The following MPDZ variants were observed in gnomAD, a reference collection of about 807,000 sequenced individuals.
MPDZ encodes multiple PDZ domain protein.
In MPDZ, 234 loss-of-function variants were observed where a neutral mutation model predicts 239.1. That is an observed-to-expected ratio of 0.98 (90% CI 0.88 to 1.09). The LOEUF is 1.09. Ranked by LOEUF, MPDZ falls within the 50% of genes least tolerant of loss-of-function variation. The probability of loss-of-function intolerance (pLI) is 0.00; values close to 1 mark genes in which losing one functional copy is unlikely to be tolerated. For missense variants in MPDZ, 3,175 were observed against 2,510.0 expected, an observed-to-expected ratio of 1.26 and a Z score of -5.66; for synonymous variants, 1,048 against 881.3, an observed-to-expected ratio of 1.19 and a Z score of -3.35.
chr9:13,208,524 CTGAAAGAA>C (rs1957248756), intron 10 of MPDZ, among the ~76,000 whole-genome samples: 1 of 151,094 alleles, frequency 6.6e-6, no homozygotes, highest in Non-Finnish European at 1.5e-5. Flanking sequence ...GCAAAGGTTT[CTGAAAGAA>C]TATAATAAAA....
Position 13,113,185 on chromosome 9 carries a change from G to A in MPDZ, c.5558-131C>T. 1.7e-5 allele frequency: 12 copies of A among 698,340 alleles called. No homozygotes were observed. The South Asian group carries it at 2.2e-4, about 13-fold the overall frequency. The allele number at this position is 698,340 out of a possible 1,614,324, so 43.3% of individuals were successfully genotyped here. A position where few individuals can be genotyped will look rare whatever the true frequency, so the allele number is the denominator to read the frequency against. On this transcript the variant is annotated intron_variant, in intron 41 of 46. Transcript: ENST00000319217. ...TTTTTTTAAGGGGGTGCTCAAAGCT[G>A]CTAGTACACATGATTAGATCTGTCT...
chr9:13,250,591 G>T (rs1564132157), intron 1 of MPDZ, among the ~76,000 whole-genome samples: 1 of 152,004 alleles, frequency 6.6e-6, no homozygotes, highest in Non-Finnish European at 1.5e-5. Context: ...ACTTGCATAA[G>T]GTAAAAGACA....
At chr9:13,150,457 A>G in intron 25 of MPDZ, 54 bp downstream of exon 25, 16 of 1,340,078 alleles carry the variant, frequency 1.2e-5, no homozygotes, top group Non-Finnish European at 1.6e-5. Flanking sequence ...TTAAAAAATA[A>G]ATAAATAAAA....
intron 17 of MPDZ, among the ~76,000 whole-genome samples, chr9:13,187,786 G>A (rs1283484825): frequency 5.4e-5 from 2 of 36,872 alleles, no homozygotes; most frequent in African/African-American, 1.9e-4. Flanking sequence ...TTCACGTACT[G>A]GAAAAAACCC....
intron 10 of MPDZ, among the ~76,000 whole-genome samples, chr9:13,212,799 A>AG (rs1957789363): frequency 6.6e-6 from 1 of 150,500 alleles, no homozygotes. Context: ...TTTAAAAAAA[A>AG]AAAAAAAAAA....
intron 15 of MPDZ, among the ~76,000 whole-genome samples, chr9:13,191,844 C>T (rs557373109): frequency 6.6e-6 from 1 of 152,200 alleles, no homozygotes; most frequent in Non-Finnish European, 1.5e-5. Flanking sequence ...AACATGATTA[C>T]ATAACCTTAT....
At position 13,219,650 on chromosome 9, in the gene MPDZ, A is replaced by T. The variant is rs1326803475; in HGVS notation, c.995T>A (p.Met332Lys). The stretch of plus-strand genomic sequence containing the variant: ...TTCTTCTATGGCACCTCTTGCAATC[A>T]TCAACTTAACTCTATTTCCACATTG... ...LRQCGNRVKLMIARGAIEERT... is the reference protein window; with the variant it reads ...LRQCGNRVKLKIARGAIEERT... Residue 332 changes from methionine to lysine, a missense_variant, in exon 8 of 47, where the codon ATG becomes AAG. Transcript: ENST00000319217. 3 of 1,612,590 alleles carry T rather than the reference A, an allele frequency of 1.9e-6. No individual in the cohort carries two copies. In the South Asian group the frequency reaches 3.3e-5, roughly 18 times the overall value.
chr9:13,227,830 G>C (rs937017296), intron 3 of MPDZ, among the ~76,000 whole-genome samples: 1 of 152,092 alleles, frequency 6.6e-6, no homozygotes, highest in African/African-American at 2.4e-5. Context: ...TAAAAGCAGA[G>C]GTTATAGAGA....
intron 22 of MPDZ, among the ~76,000 whole-genome samples, chr9:13,166,552 CGAGA>C (rs1270378419): frequency 6.6e-6 from 1 of 152,010 alleles, no homozygotes; most frequent in East Asian, 1.9e-4. Flanking sequence ...TTTACATACA[CGAGA>C]GAGAGACTCA....
chr9:13,237,139 C>T (rs562680888), intron 3 of MPDZ, among the ~76,000 whole-genome samples: 14 of 151,922 alleles, frequency 9.2e-5, no homozygotes, highest in African/African-American at 3.4e-4. Flanking sequence ...TTTTCATATT[C>T]CATGCTTCAA....
chr9:13,107,541 G>A (rs1941687207), intron 46 of MPDZ, among the ~76,000 whole-genome samples: 1 of 152,170 alleles, frequency 6.6e-6, no homozygotes, highest in Non-Finnish European at 1.5e-5. Context: ...AGGGCTTGGG[G>A]GATGACAAAA....
intron 1 of MPDZ, among the ~76,000 whole-genome samples, chr9:13,251,791 A>G (rs1369500432): frequency 6.6e-6 from 1 of 152,208 alleles, no homozygotes; most frequent in Non-Finnish European, 1.5e-5. Flanking sequence ...CCCAATGTAG[A>G]ATATACTATT....
chr9:13,260,193 A>G (rs1264476200), intron 1 of MPDZ, among the ~76,000 whole-genome samples: 1 of 152,104 alleles, frequency 6.6e-6, no homozygotes, highest in African/African-American at 2.4e-5. Flanking sequence ...TGATCTTTAG[A>G]AAGATCACTC....
intron 1 of MPDZ, among the ~76,000 whole-genome samples, chr9:13,254,339 C>A (rs1447821412): frequency 6.6e-6 from 1 of 152,104 alleles, no homozygotes; most frequent in Admixed American, 6.6e-5. Context: ...CTTTTAAAAT[C>A]CAAGATTTTA....
At chr9:13,123,438 C>G in intron 35 of MPDZ, 140 bp from the exon 36 acceptor site, 1 of 600,726 alleles carries the variant, frequency 1.7e-6, no homozygotes, top group South Asian at 2.7e-5. Context: ...TTGTATTTAC[C>G]TCAATCTTTT....
chr9:13,230,242 G>A (rs529816994), intron 3 of MPDZ, among the ~76,000 whole-genome samples: 49 of 152,076 alleles, frequency 3.2e-4, no homozygotes, highest in African/African-American at 8.9e-4. Context: ...AAATAGTTTC[G>A]CAGTTTCTAA....
Position 13,113,922 on chromosome 9 carries a change from C to T in MPDZ, c.5557+9G>A. On this transcript the variant is annotated intron_variant, in intron 41 of 46. Coordinates refer to ENST00000319217, the MANE Select transcript of MPDZ (RefSeq NM_001378778.1). ...TCAAACCATGTTTAAAATACTGAAC[C>T]AATCTTACATGCATTCTTCTTTGAG... 2.5e-6 allele frequency: 4 copies of T among 1,572,626 alleles called. No homozygotes were observed. Among genetic ancestry groups the T allele is most frequent in the South Asian group, 2.3e-5 (2 of 85,692 alleles).
intron 5 of MPDZ, among the ~76,000 whole-genome samples, chr9:13,222,921 T>C (rs1460418459): frequency 1.3e-5 from 2 of 151,330 alleles, no homozygotes; most frequent in South Asian, 2.1e-4. Flanking sequence ...ATCACATCCA[T>C]AGATTAGATC....
intron 15 of MPDZ, 122 bp downstream of exon 15, chr9:13,192,009 C>T: frequency 7.0e-6 from 6 of 852,304 alleles, no homozygotes; most frequent in Non-Finnish European, 9.7e-6. Flanking sequence ...TAAATTCTAT[C>T]CTCCAAGCCA....
Sources: gnomAD v4.1 joint callset for allele counts (sites outside exome capture counted in the v4.1 genomes callset) on GRCh38, gnomAD v4.1.1 for gene constraint, MANE v1.5 for transcripts, NCBI Gene and HGNC (gene_info 2026-07-23, HGNC 2026-07-21) for gene names.